Variants in TPD52L1 observed in about 807,000 individuals in gnomAD.
TPD52L1 encodes tumor protein D53.
A neutral mutation model predicts 28.7 loss-of-function variants in TPD52L1; 18 were observed. The ratio of observed to expected loss-of-function variants is 0.63; its 90% CI spans 0.43 to 0.93. The LOEUF (loss-of-function observed/expected upper bound fraction) is 0.93. TPD52L1 is among the 40% of genes least tolerant of loss of function. The pLI, the probability that TPD52L1 is intolerant of heterozygous loss-of-function variation, is 0.00. For synonymous variants in TPD52L1, 75 were observed against 88.8 expected (o/e 0.84, Z 0.88); for missense variants, 203 against 254.8 (o/e 0.80, Z 1.39).
chr6:125,161,585 G>C (rs1306913786), intron 1 of TPD52L1, among the ~76,000 whole-genome samples: 1 of 152,090 alleles, frequency 6.6e-6, no homozygotes, highest in Non-Finnish European at 1.5e-5. Flanking sequence ...GGGTTAATTG[G>C]CATACTATCA....
At chr6:125,202,299 T>G in intron 1 of TPD52L1, among the ~76,000 whole-genome samples, 1 of 152,036 alleles carries the variant, frequency 6.6e-6, no homozygotes, top group East Asian at 1.9e-4. Context: ...GTCAAGAAAA[T>G]TTTTTCCTGA....
chr6:125,167,769 C>T (rs1791005224), intron 1 of TPD52L1, among the ~76,000 whole-genome samples: 1 of 151,926 alleles, frequency 6.6e-6, no homozygotes, highest in Non-Finnish European at 1.5e-5. Context: ...TCCTCCTTTA[C>T]AGAAGTCATT....
In TPD52L1 at chr6:125,172,552, A is replaced by ACT. The variant is rs71024714; in HGVS notation, c.19+18582_19+18583insCT. 3.2e-4 allele frequency among the ~76,000 whole-genome samples: 23 copies of ACT among 72,374 alleles called. 2 individuals carry two copies. Among genetic ancestry groups the ACT allele is most frequent in the East Asian group, 2.1e-3 (3 of 1,434 alleles). 47.5% of individuals were successfully genotyped at this position (72,374 alleles called of 152,430 possible). Reference sequence around the variant, plus strand: ...TATATATATATATATATATATATATAATATATATACTATATGGCATGAAAT... The same window carrying ACT: ...TATATATATATATATATATATATATACTATATATATACTATATGGCATGAAAT... On this transcript the variant is annotated intron_variant, in intron 1 of 6. Transcript: ENST00000534000.
In TPD52L1 at chr6:125,165,092, A is replaced by ATATATATATATATATATATTTATT; in HGVS notation, c.19+11129_19+11130insATATATATATATTTATTTATATAT. Reference sequence around the variant, plus strand: ...CCTGTCTCTTAAAAAAAAGATATATATATATATTTTAACTGTATATATATA... The same window carrying ATATATATATATATATATATTTATT: ...CCTGTCTCTTAAAAAAAAGATATATATATATATATATATATATATTTATTTATATATTTTAACTGTATATATATA... On this transcript the variant is annotated intron_variant, in intron 1 of 6. Transcript: ENST00000534000. Among the ~76,000 whole-genome samples the ATATATATATATATATATATTTATT allele has an allele frequency of 4.8e-3, 497 of 104,094 alleles. 57 individuals are homozygous for ATATATATATATATATATATTTATT. The highest frequency in any genetic ancestry group is 0.028 in the African/African-American group (454 of 16,368). The allele number at this position is 104,094 out of a possible 152,430, so 68.3% of individuals were successfully genotyped here. A position where few individuals can be genotyped will look rare whatever the true frequency, so the allele number is the denominator to read the frequency against.
At chr6:125,209,074 C>T (rs1403733543) in intron 1 of TPD52L1, 1 of 500,972 alleles carries the variant, frequency 2.0e-6, no homozygotes, top group Non-Finnish European at 2.6e-6. Flanking sequence ...ATCTCTGATA[C>T]TGGCCGCCCA....
chr6:125,227,468 A>T lies in TPD52L1; in HGVS notation c.136-1650A>T, dbSNP rs570274873. Among the ~76,000 whole-genome samples, 3 of 152,314 alleles carry T rather than the reference A, an allele frequency of 2.0e-5. No individual in the cohort carries two copies. The South Asian group carries it at 6.2e-4, about 32-fold the overall frequency. On this transcript the variant is annotated intron_variant, in intron 2 of 6. Transcript: ENST00000534000. ...CTGACAGCCTGACAGGGTTGGTGTG[A>T]TGCAGCTTGTGGTCCGAAGTAGAGT...
At chr6:125,199,259 A>G (rs1396177155) in intron 1 of TPD52L1, among the ~76,000 whole-genome samples, 1 of 152,232 alleles carries the variant, frequency 6.6e-6, no homozygotes, top group Non-Finnish European at 1.5e-5. Context: ...TTTACCAGTA[A>G]TGTAGTATAA....
intron 1 of TPD52L1, among the ~76,000 whole-genome samples, chr6:125,216,890 G>A (rs950878686): frequency 2.0e-5 from 3 of 152,038 alleles, no homozygotes; most frequent in Non-Finnish European, 2.9e-5. Context: ...GTGAATACCA[G>A]GGACTCAAGA....
chr6:125,242,532 T>A (rs2115021763), intron 3 of TPD52L1, among the ~76,000 whole-genome samples: 1 of 152,276 alleles, frequency 6.6e-6, no homozygotes, highest in Admixed American at 6.5e-5. Flanking sequence ...AATCCTTTCA[T>A]CATTACATAA....
At chr6:125,211,898 AT>A (rs1257277077) in intron 1 of TPD52L1, among the ~76,000 whole-genome samples, 2 of 152,248 alleles carry the variant, frequency 1.3e-5, no homozygotes, top group Non-Finnish European at 2.9e-5. Flanking sequence ...AAGAAATAAT[AT>A]CTAGGTTAAT....
intron 3 of TPD52L1, among the ~76,000 whole-genome samples, chr6:125,246,612 A>G (rs1796938784): frequency 6.6e-6 from 1 of 152,216 alleles, no homozygotes; most frequent in Admixed American, 6.5e-5. Flanking sequence ...ATCATGTAGC[A>G]AAATGTAAAA....
intron 3 of TPD52L1, among the ~76,000 whole-genome samples, chr6:125,232,608 G>T (rs1027813546): frequency 3.3e-5 from 5 of 152,142 alleles, no homozygotes; most frequent in African/African-American, 1.2e-4. Context: ...TTTGCATACT[G>T]ATTAAGCAAT....
chr6:125,233,250 C>A (rs772990421), intron 3 of TPD52L1, among the ~76,000 whole-genome samples: 1 of 152,076 alleles, frequency 6.6e-6, no homozygotes, highest in African/African-American at 2.4e-5. Context: ...ATAAAGAGGA[C>A]GAAAAGCCTC....
chr6:125,211,532 G>A (rs760957919), intron 1 of TPD52L1, among the ~76,000 whole-genome samples: 1 of 152,184 alleles, frequency 6.6e-6, no homozygotes, highest in Non-Finnish European at 1.5e-5. Context: ...GTGACAGTAT[G>A]ACTTGCGTTT....
At chr6:125,258,199 A>G (rs1380785775) in intron 6 of TPD52L1, among the ~76,000 whole-genome samples, 1 of 152,170 alleles carries the variant, frequency 6.6e-6, no homozygotes, top group Non-Finnish European at 1.5e-5. Context: ...CTACTTTATT[A>G]GACCCATAAT....
At chr6:125,156,628 G>C (rs1028906731) in intron 1 of TPD52L1, among the ~76,000 whole-genome samples, 2 of 151,944 alleles carry the variant, frequency 1.3e-5, no homozygotes, top group African/African-American at 4.8e-5. Flanking sequence ...AAATTAGCTG[G>C]GTGTGGTGGT....
intron 3 of TPD52L1, among the ~76,000 whole-genome samples, chr6:125,234,831 A>G (rs1006053810): frequency 1.3e-5 from 2 of 152,142 alleles, no homozygotes; most frequent in African/African-American, 4.8e-5. Context: ...CATGGCTCAC[A>G]CCTATAATCC....
chr6:125,222,036 T>A (rs1328403832), intron 2 of TPD52L1: 2 of 152,266 alleles, frequency 1.3e-5, no homozygotes, highest in Admixed American at 1.3e-4. Flanking sequence ...TTCACATTTC[T>A]CTTTCTCCTC....
intron 1 of TPD52L1, among the ~76,000 whole-genome samples, chr6:125,189,739 A>G (rs183779804): frequency 1.4e-3 from 217 of 152,154 alleles, no homozygotes; most frequent in African/African-American, 4.9e-3. Flanking sequence ...TCTCATTGTT[A>G]TTTCCTTTTC....
Sources: gnomAD v4.1 joint callset for allele counts (sites outside exome capture counted in the v4.1 genomes callset) on GRCh38, gnomAD v4.1.1 for gene constraint, MANE v1.5 for transcripts, NCBI Gene and HGNC (gene_info 2026-07-23, HGNC 2026-07-21) for gene names.